CDH5: variants seen among roughly 807,000 people sequenced by gnomAD.
CDH5 encodes cadherin-5.
Under a neutral mutation model 62.0 loss-of-function variants are expected in CDH5, and 28 were observed. The observed-to-expected ratio is 0.45, with a 90% CI of 0.33 to 0.62. CDH5 has a LOEUF of 0.62. Ranked by LOEUF, CDH5 falls within the 20% of genes least tolerant of loss-of-function variation. The probability of loss-of-function intolerance (pLI) is 0.02; values close to 1 mark genes in which losing one functional copy is unlikely to be tolerated. For missense variants in CDH5, 940 were observed against 1,065.1 expected, an observed-to-expected ratio of 0.88 and a Z score of 1.63; for synonymous variants, 464 against 445.8, an observed-to-expected ratio of 1.04 and a Z score of -0.52.
chr16:66,379,328 T>G lies in CDH5; in HGVS notation c.-10T>G. The G allele has an allele frequency of 6.2e-7, 1 of 1,603,044 alleles. No individual in the cohort carries two copies. The highest frequency in any genetic ancestry group is 8.5e-7 in the Non-Finnish European group (1 of 1,172,408). On this transcript the variant is annotated 5_prime_UTR_variant, in exon 2 of 12. Coordinates refer to ENST00000341529, the MANE Select transcript of CDH5 (RefSeq NM_001795.5). The stretch of plus-strand genomic sequence containing the variant: ...TCTCCTCTTTCCCCAGATCTGTTCC[T>G]CCTGGGAAGATGCAGAGGCTCATGA...
At chr16:66,389,180 C>G (rs1961038056) in intron 4 of CDH5, among the ~76,000 whole-genome samples, 178 bp from the exon 5 acceptor site, 1 of 152,202 alleles carries the variant, frequency 6.6e-6, no homozygotes, top group South Asian at 2.1e-4. Flanking sequence ...ATTGGGCCAG[C>G]TTTGGCCTCA....
chr16:66,379,914 TAAA>T (rs1960861020), intron 2 of CDH5, among the ~76,000 whole-genome samples: 1 of 142,480 alleles, frequency 7.0e-6, no homozygotes, highest in Admixed American at 7.0e-5. Context: ...GTGGTGATGA[TAAA>T]GGGGTAGGTG....
intron 5 of CDH5, 36 bp from the exon 6 acceptor site, chr16:66,390,367 A>C (rs767083406): frequency 1.9e-6 from 3 of 1,546,152 alleles, no homozygotes; most frequent in Non-Finnish European, 2.6e-6. Context: ...CTATCTCATT[A>C]ACCCAAAGCC....
chr16:66,383,135 CAG>C (rs1775593217), intron 2 of CDH5, among the ~76,000 whole-genome samples: 2 of 152,106 alleles, frequency 1.3e-5, no homozygotes, highest in African/African-American at 4.8e-5. Flanking sequence ...GAAACTATCA[CAG>C]CCATGAGGCA....
Position 66,387,708 on chromosome 16 carries a change from C to T in CDH5, c.499+611C>T, listed in dbSNP as rs140640481. On this transcript the variant is annotated intron_variant, in intron 3 of 11. Coordinates refer to ENST00000341529, the MANE Select transcript of CDH5 (RefSeq NM_001795.5). ...CCAAGAGTGTAGCCTTTACATGTGA[C>T]GACTGTCATGGCCTGCCACTAAGGC... Among the ~76,000 whole-genome samples the T allele has an allele frequency of 2.2e-4, 33 of 152,312 alleles. No homozygotes were observed. The East Asian group carries it at 5.0e-3, about 23-fold the overall frequency.
At position 66,398,731 on chromosome 16, in the gene CDH5, C is replaced by T. The variant is rs72786457; in HGVS notation, c.1591+170C>T. ...CGGGCGACAGAGCGAGACCCCGTCT[C>T]CAAAAAAAGAACAAATGCAGTCAGT... On this transcript the variant is annotated intron_variant, in intron 10 of 11. Coordinates refer to ENST00000341529, the MANE Select transcript of CDH5 (RefSeq NM_001795.5). Among the ~76,000 whole-genome samples the T allele has an allele frequency of 5.7e-3, 873 of 152,156 alleles. 2 individuals carry two copies. The highest frequency in any genetic ancestry group is 9.1e-3 in the Non-Finnish European group (619 of 68,006).
At chr16:66,392,109 C>A in intron 6 of CDH5, 27 bp from the exon 7 acceptor site, 2 of 1,613,436 alleles carry the variant, frequency 1.2e-6, no homozygotes, top group Non-Finnish European at 8.5e-7. Context: ...CCAGAGCAGG[C>A]ACTCACCATC....
chr16:66,395,641 A>G (rs1227837234), intron 7 of CDH5: 1 of 153,372 alleles, frequency 6.5e-6, no homozygotes, highest in East Asian at 1.9e-4. Context: ...TTTCTGAAAG[A>G]ACTTTTTAAG....
intron 8 of CDH5, among the ~76,000 whole-genome samples, chr16:66,397,094 G>A (rs1968502): frequency 0.39 from 58,669 of 152,110 alleles, 11,487 homozygotes; most frequent in East Asian, 0.52. Flanking sequence ...GCACATTCAT[G>A]TATTTTTATT....
Position 66,400,787 on chromosome 16 carries a change from C to G in CDH5, c.1608C>G (p.Ile536Met), listed in dbSNP as rs1344920290. 5.6e-6 allele frequency: 9 copies of G among 1,614,206 alleles called. No homozygotes were observed. The highest frequency in any genetic ancestry group is 7.6e-6 in the Non-Finnish European group (9 of 1,180,032). Residue 536 changes from isoleucine to methionine, a missense_variant, in exon 11 of 12, where the codon ATC (isoleucine) becomes ATG (methionine). Transcript: ENST00000341529. ...LTDNHDNTAN[I>M]TVKYGQFDRE... ...TGTTTCCAGATAACACGGCCAACAT[C>G]ACAGTCAAGTATGGGCAGTTTGACC...
At chr16:66,369,204 G>T (rs1960640505) in intron 1 of CDH5, among the ~76,000 whole-genome samples, 1 of 152,196 alleles carries the variant, frequency 6.6e-6, no homozygotes, top group Non-Finnish European at 1.5e-5. Flanking sequence ...GTGGGACCCA[G>T]GGGCAGGCCG....
chr16:66,395,022 T>C (rs867904513), intron 7 of CDH5, among the ~76,000 whole-genome samples: 1,136 of 48,360 alleles, frequency 0.023, 11 homozygotes, highest in Non-Finnish European at 0.028. Flanking sequence ...GCTAATCTTT[T>C]TTTTTTTTTT....
intron 2 of CDH5, among the ~76,000 whole-genome samples, chr16:66,383,294 A>G (rs541784012): frequency 6.6e-6 from 1 of 152,324 alleles, no homozygotes; most frequent in East Asian, 1.9e-4. Flanking sequence ...TGGTCCATTA[A>G]TTATAACAAA....
At chr16:66,371,712 TG>T (rs902157339) in intron 1 of CDH5, among the ~76,000 whole-genome samples, 1 of 152,098 alleles carries the variant, frequency 6.6e-6, no homozygotes, top group Non-Finnish European at 1.5e-5. Context: ...ACTTGGCCCC[TG>T]GAATCTAAGG....
chr16:66,396,330 G>T, intron 8 of CDH5, 129 bp downstream of exon 8: 1 of 1,096,272 alleles, frequency 9.1e-7, no homozygotes, highest in Non-Finnish European at 1.3e-6. Flanking sequence ...CCGCTGGTTG[G>T]GATGCTATAG....
Position 66,402,711 on chromosome 16 carries a change from A to T in CDH5, c.1897A>T (p.Lys633Ter). The change falls in exon 12 of 12, where the codon AAG becomes TAG. Residue 633 changes from lysine to a stop codon, truncating the protein, a stop_gained. Transcript: ENST00000341529. LOFTEE classifies it low-confidence loss of function (END_TRUNC). ...RLRKQARAHGKSVPEIHEQLV... is the reference protein window; with the variant it reads ...RLRKQARAHG The stretch of plus-strand genomic sequence containing the variant: ...CCGGAAGCAGGCCCGCGCGCACGGC[A>T]AGAGCGTGCCGGAGATCCACGAGCA... The T allele has an allele frequency of 6.2e-7, 1 of 1,609,582 alleles. No individual in the cohort carries two copies.
At chr16:66,395,224 A>G (rs1961158398) in intron 7 of CDH5, among the ~76,000 whole-genome samples, 1 of 149,862 alleles carries the variant, frequency 6.7e-6, no homozygotes, top group Non-Finnish European at 1.5e-5. Flanking sequence ...TATTCGTATA[A>G]TCCTCAGATT....
intron 2 of CDH5, among the ~76,000 whole-genome samples, chr16:66,380,059 GGTGT>G (rs1340676355): frequency 5.9e-4 from 1 of 1,684 alleles, no homozygotes; most frequent in African/African-American, 7.8e-3. Flanking sequence ...TAAAGGGGTA[GGTGT>G]TGGTGGTGAT....
At chr16:66,369,187 G>A (rs1480818818) in intron 1 of CDH5, among the ~76,000 whole-genome samples, 2 of 152,206 alleles carry the variant, frequency 1.3e-5, no homozygotes, top group Non-Finnish European at 2.9e-5. Context: ...ACTAGAAGGA[G>A]GAGGAAGTGG....
Sources: gnomAD v4.1 joint callset for allele counts (sites outside exome capture counted in the v4.1 genomes callset) on GRCh38, gnomAD v4.1.1 for gene constraint, MANE v1.5 for transcripts, NCBI Gene and HGNC (gene_info 2026-07-23, HGNC 2026-07-21) for gene names.